Variants in BYSL observed in about 807,000 individuals in gnomAD.
The protein encoded by BYSL is bystin like.
In BYSL, 21 loss-of-function variants were observed where a neutral mutation model predicts 45.4. The observed-to-expected ratio is 0.46, with a 90% confidence interval of 0.33 to 0.67. The LOEUF is 0.67. Among genes scored for constraint, BYSL ranks in the 30% least tolerant of loss-of-function variants. BYSL has a pLI of 0.02. For synonymous variants in BYSL, 215 were observed against 231.3 expected, an observed-to-expected ratio of 0.93 and a Z score of 0.64; for missense variants, 522 against 578.5, an observed-to-expected ratio of 0.90 and a Z score of 1.00.
chr6:41,916,903 AAC>A (rs745370482), upstream of BYSL: 4 of 1,614,014 alleles, frequency 2.5e-6, no homozygotes, highest in Admixed American at 1.7e-5. Flanking sequence ...CGGTTTGCTG[AAC>A]ACTCTTGCCC....
At chr6:41,929,060 C>G (rs1054656029) in intron 2 of BYSL, among the ~76,000 whole-genome samples, 1 of 152,160 alleles carries the variant, frequency 6.6e-6, no homozygotes, top group Non-Finnish European at 1.5e-5. Flanking sequence ...TACCACCACG[C>G]CTGGCTAATT....
At chr6:41,920,046 A>G (rs1275516409), upstream of BYSL, among the ~76,000 whole-genome samples, 1 of 152,190 alleles carries the variant, frequency 6.6e-6, no homozygotes, top group Admixed American at 6.5e-5. Context: ...ATCTACTGAG[A>G]TAAGAAAAAA....
chr6:41,923,318 T>A (rs1173730280), intron 1 of BYSL, among the ~76,000 whole-genome samples: 1 of 151,406 alleles, frequency 6.6e-6, no homozygotes, highest in Non-Finnish European at 1.5e-5. Flanking sequence ...ATTCTTTTTT[T>A]TTTTTTTTGA....
upstream of BYSL, chr6:41,920,968 T>A: frequency 5.6e-6 from 9 of 1,603,260 alleles, no homozygotes; most frequent in Non-Finnish European, 7.7e-6. Context: ...CTTTCACAAC[T>A]CCAAGCCCCG....
Position 41,931,786 on chromosome 6 carries a change from G to T in BYSL, c.924G>T (p.Val308=). ...GTACCCTCCGGGAAGCCATCATTGT[G>T]GGTAGCATCATCACCAAGTGCTCCA... ...GTCTLREAII[V]GSIITKCSIP... is the part of the protein sequence containing the mutation. The change falls in exon 6 of 7, where the codon GTG becomes GTT. Residue 308 remains valine, a synonymous_variant. Transcript: ENST00000230340. 1 of 1,614,136 alleles carries T rather than the reference G, an allele frequency of 6.2e-7. No individual in the cohort carries two copies. The highest frequency in any genetic ancestry group is 8.5e-7 in the Non-Finnish European group (1 of 1,180,016).
chr6:41,910,676 T>G, the BYSL span, among the ~76,000 whole-genome samples: 1 of 150,516 alleles, frequency 6.6e-6, no homozygotes, highest in Non-Finnish European at 1.5e-5. Flanking sequence ...GAAAGCAAGA[T>G]TCCTCTTTCA....
At chr6:41,912,193 G>A in the BYSL span, among the ~76,000 whole-genome samples, 1 of 139,242 alleles carries the variant, frequency 7.2e-6, no homozygotes, top group South Asian at 2.3e-4. Context: ...GGACCACCAT[G>A]CCCACCTTTT....
rs140361205 is a variant in BYSL at position 41,921,715 on chromosome 6, G to A, written c.153G>A (p.Gly51=). 5.0e-6 allele frequency: 8 copies of A among 1,613,396 alleles called. No homozygotes were observed. In the African/African-American group the frequency reaches 1.1e-4, roughly 22 times the overall value. The stretch of plus-strand genomic sequence containing the variant: ...GAGAAGCGGAGGAAGAGTATGTGGG[G>A]CCCCGGCTGAGCCGACGGATTTTGC... The part of the protein sequence containing the change: ...GTGEAEEEYV[G]PRLSRRILQQ... Residue 51 remains glycine, a synonymous_variant, in exon 1 of 7, where the codon GGG becomes GGA. Transcript: ENST00000230340.
chr6:41,927,744 A>G, intron 2 of BYSL: 1 of 556,874 alleles, frequency 1.8e-6, no homozygotes, highest in Non-Finnish European at 3.1e-6. Flanking sequence ...CCTTATGTCC[A>G]TTTGTTGTAC....
At chr6:41,931,316 C>G (rs1775635913) in intron 4 of BYSL, 80 bp from the exon 5 acceptor site, 1 of 1,513,766 alleles carries the variant, frequency 6.6e-7, no homozygotes, top group Non-Finnish European at 9.1e-7. Context: ...CTCTTGTATG[C>G]ACTATCCATG....
At chr6:41,916,613 A>G (rs888853021), upstream of BYSL, among the ~76,000 whole-genome samples, 3 of 152,066 alleles carry the variant, frequency 2.0e-5, no homozygotes, top group African/African-American at 4.8e-5. Flanking sequence ...TAAAGCTTTC[A>G]AAGGCCCTAT....
At position 41,931,754 on chromosome 6, in the gene BYSL, G is replaced by A. The variant is rs1775642870; in HGVS notation, c.892G>A (p.Gly298Ser). Residue 298 changes from glycine to serine, a missense_variant, in exon 6 of 7, where the codon GGC (glycine) becomes AGC (serine). Coordinates refer to ENST00000230340, the MANE Select transcript of BYSL (RefSeq NM_004053.4). ...KGILIPLCESGTCTLREAIIV... is the reference protein window; with the variant it reads ...KGILIPLCESSTCTLREAIIV... Reference sequence around the variant, plus strand: ...GATCCTGATTCCACTGTGCGAGTCTGGCACTTGTACCCTCCGGGAAGCCAT... The same window carrying A: ...GATCCTGATTCCACTGTGCGAGTCTAGCACTTGTACCCTCCGGGAAGCCAT... 6.2e-7 allele frequency: 1 copy of A among 1,614,034 alleles called. No individual in the cohort carries two copies. Among genetic ancestry groups the A allele is most frequent in the African/African-American group, 1.3e-5 (1 of 74,918 alleles).
chr6:41,920,953 C>G, upstream of BYSL: 1 of 1,593,198 alleles, frequency 6.3e-7, no homozygotes, highest in East Asian at 2.3e-5. Flanking sequence ...GGTCCTCTTT[C>G]CGGCCTTTCA....
upstream of BYSL, chr6:41,921,132 G>A: frequency 7.2e-7 from 1 of 1,397,980 alleles, no homozygotes; most frequent in Non-Finnish European, 9.8e-7. Flanking sequence ...AAGGGACTCC[G>A]GAAATACGTA....
chr6:41,909,974 A>G, the BYSL span, among the ~76,000 whole-genome samples: 1 of 152,190 alleles, frequency 6.6e-6, no homozygotes, highest in Admixed American at 6.5e-5. Context: ...TCCTCAGCTT[A>G]GCCTCCTCCC....
At chr6:41,923,558 A>C (rs969263477) in intron 1 of BYSL, among the ~76,000 whole-genome samples, 1 of 151,908 alleles carries the variant, frequency 6.6e-6, no homozygotes, top group Non-Finnish European at 1.5e-5. Context: ...TGCCTCCCAA[A>C]ATGCTGGGAT....
rs752256977 is a variant in BYSL at position 41,931,564 on chromosome 6, C to T, written c.865+8C>T. 1.2e-6 allele frequency: 2 copies of T among 1,614,112 alleles called. No homozygotes were observed. Among genetic ancestry groups the T allele is most frequent in the Non-Finnish European group, 8.5e-7 (1 of 1,180,008 alleles). On this transcript the variant is annotated splice_region_variant and intron_variant, in intron 5 of 6. Coordinates refer to ENST00000230340, the MANE Select transcript of BYSL (RefSeq NM_004053.4). ...CTGGAGCCTGGTTCAAAGGTGGGAT[C>T]CCAGAGGCACGGAAGAAAGGGAAGG... is the stretch of plus-strand genomic sequence containing the variant.
upstream of BYSL, chr6:41,920,853 C>A (rs1775444478): frequency 1.1e-6 from 1 of 946,626 alleles, no homozygotes; most frequent in South Asian, 2.4e-5. Flanking sequence ...GAAACAAGCC[C>A]GGGGAACCCG....
intron 1 of BYSL, among the ~76,000 whole-genome samples, chr6:41,924,893 CTA>C (rs1775541622): frequency 6.6e-6 from 1 of 152,048 alleles, no homozygotes; most frequent in South Asian, 2.1e-4. Context: ...GAGAGACAGT[CTA>C]TGAGGTAAAA....
Sources: allele counts gnomAD v4.1 joint callset (sites outside exome capture counted in the v4.1 genomes callset), GRCh38; gene constraint gnomAD v4.1.1; transcripts MANE v1.5; gene names NCBI Gene and HGNC (gene_info 2026-07-23, HGNC 2026-07-21).